The following SLC38A8 variants were observed in gnomAD, a reference collection of about 807,000 sequenced individuals.
SLC38A8 encodes the protein solute carrier family 38 member 8.
Under a neutral mutation model 46.0 loss-of-function variants are expected in SLC38A8, and 65 were observed. The ratio of observed to expected loss-of-function variants is 1.41; its 90% CI spans 1.16 to 1.74. SLC38A8 has a LOEUF of 1.74. Among genes scored for constraint, SLC38A8 ranks in the 40% most tolerant of loss-of-function variants. The pLI, the probability that SLC38A8 is intolerant of heterozygous loss-of-function variation, is 0.00. For synonymous variants in SLC38A8, 447 were observed against 243.7 expected, an observed-to-expected ratio of 1.83 and a Z score of -7.77; for missense variants, 998 against 567.9, an observed-to-expected ratio of 1.76 and a Z score of -7.70.
At chr16:84,034,803 G>T (rs1379624235) in intron 3 of SLC38A8, among the ~76,000 whole-genome samples, 1 of 151,966 alleles carries the variant, frequency 6.6e-6, no homozygotes, top group African/African-American at 2.4e-5. Context: ...CCTCCAGGTG[G>T]CGTGGGATGG....
chr16:84,034,344 G>C (rs866293999), intron 3 of SLC38A8, among the ~76,000 whole-genome samples: 2 of 152,232 alleles, frequency 1.3e-5, no homozygotes, highest in Non-Finnish European at 2.9e-5. Context: ...TAACCTCTCC[G>C]TGGAAAGAAC....
chr16:84,042,150 C>G lies in SLC38A8; in HGVS notation c.8G>C (p.Gly3Ala). The change falls in exon 2 of 11, where the codon GGA (glycine) becomes GCA (alanine). Residue 3 changes from glycine (G) to alanine (A), a missense_variant. Transcript: ENST00000299709. ...AAGGCCCCTGCTTCCTGGGGTCTGT[C>G]CCTCCATGGCTAGAGGCGGCAGAGG... is the stretch of plus-strand genomic sequence containing the variant. ME[G>A]QTPGSRGLPE... The G allele has an allele frequency of 6.2e-7, 1 of 1,610,450 alleles. No homozygotes were observed. Among genetic ancestry groups the G allele is most frequent in the Non-Finnish European group, 8.5e-7 (1 of 1,178,620 alleles).
At chr16:84,024,167 T>C (rs2085132215) in intron 6 of SLC38A8, among the ~76,000 whole-genome samples, 1 of 152,108 alleles carries the variant, frequency 6.6e-6, no homozygotes, top group Admixed American at 6.6e-5. Flanking sequence ...CCTGGGGGTA[T>C]AACCAACCCA....
In SLC38A8 at chr16:84,010,313, C is replaced by T. The variant is rs569367052; in HGVS notation, c.1215-436G>A. On this transcript the variant is annotated intron_variant, in intron 10 of 10. Coordinates refer to ENST00000299709, the MANE Select transcript of SLC38A8 (RefSeq NM_001080442.3). ...CTTGAACTCCTGACCTCAAGTGATT[C>T]GCCCTCCTCAGCTTCCTAAAGTACT... is the stretch of plus-strand genomic sequence containing the variant. Among the ~76,000 whole-genome samples the T allele has an allele frequency of 2.0e-4, 31 of 152,122 alleles. 1 individual carries two copies. The highest frequency in any genetic ancestry group is 7.2e-4 in the African/African-American group (30 of 41,500).
intron 6 of SLC38A8, among the ~76,000 whole-genome samples, chr16:84,026,143 A>G (rs954364977): frequency 8.5e-5 from 13 of 152,262 alleles, no homozygotes; most frequent in Admixed American, 1.3e-4. Context: ...ATAAGGGAAA[A>G]GACAGTTAGT....
At chr16:84,020,880 T>A (rs572727721) in intron 7 of SLC38A8, among the ~76,000 whole-genome samples, 8 of 152,306 alleles carry the variant, frequency 5.3e-5, no homozygotes, top group African/African-American at 1.7e-4. Context: ...CTGCACTCTA[T>A]ACGGCCAGGC....
chr16:84,011,104 C>G (rs1012495080), intron 10 of SLC38A8, among the ~76,000 whole-genome samples: 1 of 152,234 alleles, frequency 6.6e-6, no homozygotes, highest in Non-Finnish European at 1.5e-5. Flanking sequence ...TCTAACCGAG[C>G]AGCATCTCAG....
At chr16:84,024,480 G>T (rs118184826) in intron 6 of SLC38A8, among the ~76,000 whole-genome samples, 1 of 151,968 alleles carries the variant, frequency 6.6e-6, no homozygotes. Context: ...TGCCCAAGGG[G>T]GATAAGAATT....
chr16:84,014,830 C>G (rs564430112), intron 9 of SLC38A8, among the ~76,000 whole-genome samples: 22 of 152,318 alleles, frequency 1.4e-4, no homozygotes, highest in East Asian at 1.9e-4. Flanking sequence ...CAGTTGGCCT[C>G]TTTGATAACC....
intron 7 of SLC38A8, 138 bp from the exon 8 acceptor site, chr16:84,017,425 C>T: frequency 9.8e-7 from 1 of 1,019,694 alleles, no homozygotes; most frequent in Non-Finnish European, 1.4e-6. Flanking sequence ...GAAGGGATAG[C>T]CCAAAGCTTT....
At position 84,029,172 on chromosome 16, in the gene SLC38A8, G is replaced by T. The variant is rs557428089; in HGVS notation, c.690+322C>A. The stretch of plus-strand genomic sequence containing the variant: ...TCAGGTCTGACTGCAGTCCTGTGGG[G>T]GTTCTGCAGAGGAAGGGACAGGTCC... On this transcript the variant is annotated intron_variant, in intron 6 of 10. Coordinates refer to ENST00000299709, the MANE Select transcript of SLC38A8 (RefSeq NM_001080442.3). Among the ~76,000 whole-genome samples, 10 of 152,234 alleles carry T rather than the reference G, an allele frequency of 6.6e-5. No homozygotes were observed. The East Asian group carries it at 1.9e-3, about 29-fold the overall frequency.
chr16:84,014,456 CCA>C lies in SLC38A8; in HGVS notation c.1163-1406_1163-1405del, dbSNP rs1233676333. 3.3e-5 allele frequency among the ~76,000 whole-genome samples: 5 copies of C among 151,826 alleles called. 1 individual carries two copies. The highest frequency in any genetic ancestry group is 6.8e-3 in the Middle Eastern group (2 of 292). On this transcript the variant is annotated intron_variant, in intron 9 of 10. Transcript: ENST00000299709. ...CACCCCTCACCTCTGAAAGCCCTGC[CCA>C]GAGTCGAGGGAGGAGCTGTATAGCC...
At chr16:84,042,252 G>C (rs895870876) in intron 1 of SLC38A8, 93 bp from the exon 2 acceptor site, 104 of 1,362,628 alleles carry the variant, frequency 7.6e-5, no homozygotes, top group Non-Finnish European at 9.6e-5. Context: ...AACTCAGTGA[G>C]AGCTCCCTGA....
chr16:84,015,383 C>A (rs540647274), intron 9 of SLC38A8, among the ~76,000 whole-genome samples: 4 of 152,026 alleles, frequency 2.6e-5, no homozygotes, highest in Admixed American at 6.6e-5. Flanking sequence ...TTCGCAGAAA[C>A]GGTGTTTGCC....
intron 7 of SLC38A8, among the ~76,000 whole-genome samples, chr16:84,020,179 C>T (rs2085078890): frequency 6.7e-6 from 1 of 148,776 alleles, no homozygotes; most frequent in Non-Finnish European, 1.5e-5. Flanking sequence ...CTTGCCCTGT[C>T]ACCCAGGCTG....
At chr16:84,038,383 C>T (rs1235381000) in intron 2 of SLC38A8, among the ~76,000 whole-genome samples, 5 of 152,070 alleles carry the variant, frequency 3.3e-5, no homozygotes, top group African/African-American at 7.2e-5. Flanking sequence ...GGCAGCCACC[C>T]GACTCCCCCA....
chr16:84,032,131 G>C (rs953188942), intron 4 of SLC38A8, among the ~76,000 whole-genome samples, 163 bp from the exon 5 acceptor site: 12 of 152,192 alleles, frequency 7.9e-5, no homozygotes, highest in African/African-American at 1.4e-4. Context: ...GGGGCATGTG[G>C]GGCAGGGCTG....
At chr16:84,010,207 A>C (rs1397174002) in intron 10 of SLC38A8, among the ~76,000 whole-genome samples, 1 of 151,244 alleles carries the variant, frequency 6.6e-6, no homozygotes, top group Non-Finnish European at 1.5e-5. Context: ...AGTAACTGGG[A>C]CTACAGACAC....
chr16:84,011,277 G>A (rs770378744), intron 10 of SLC38A8, among the ~76,000 whole-genome samples: 15 of 152,210 alleles, frequency 9.9e-5, no homozygotes, highest in Non-Finnish European at 1.9e-4. Context: ...AAAAACTGTT[G>A]TGAGCTCAGA....
Sources: allele counts gnomAD v4.1 joint callset (sites outside exome capture counted in the v4.1 genomes callset), GRCh38; gene constraint gnomAD v4.1.1; transcripts MANE v1.5; gene names NCBI Gene and HGNC (gene_info 2026-07-23, HGNC 2026-07-21).